CNKSR3: variants seen among roughly 807,000 people sequenced by gnomAD.
CNKSR3 encodes connector enhancer of kinase suppressor of ras 3.
Under a neutral mutation model 67.7 loss-of-function variants are expected in CNKSR3, and 36 were observed. The ratio of observed to expected loss-of-function variants is 0.53; its 90% CI spans 0.41 to 0.70. CNKSR3 has a LOEUF of 0.70. Ranked by LOEUF, CNKSR3 falls within the 30% of genes least tolerant of loss-of-function variation. The pLI is 0.00. For missense variants in CNKSR3, 630 were observed against 695.2 expected (o/e 0.91, Z 1.05); for synonymous variants, 281 against 271.4 (o/e 1.04, Z -0.35).
intron 1 of CNKSR3, among the ~76,000 whole-genome samples, chr6:154,471,147 T>C (rs77762860): frequency 6.6e-6 from 1 of 152,250 alleles, no homozygotes. Context: ...ACTACCCTCA[T>C]GATTTTACCA....
At chr6:154,437,407 G>GTTT (rs1785492881) in intron 4 of CNKSR3, among the ~76,000 whole-genome samples, 7 of 88,266 alleles carry the variant, frequency 7.9e-5, no homozygotes, top group African/African-American at 2.0e-4. Flanking sequence ...AAGCACCTAT[G>GTTT]TTCTTTTTTT....
chr6:154,468,096 A>T (rs1208766679), intron 1 of CNKSR3, among the ~76,000 whole-genome samples: 7 of 38,344 alleles, frequency 1.8e-4, no homozygotes, highest in Admixed American at 7.8e-4. Flanking sequence ...TTTTTTTTTG[A>T]GACAGGGTCT....
intron 2 of CNKSR3, among the ~76,000 whole-genome samples, chr6:154,448,897 C>T (rs374892170): frequency 3.3e-5 from 5 of 152,172 alleles, no homozygotes; most frequent in Non-Finnish European, 7.3e-5. Context: ...ATTGTATATA[C>T]CCCTGGCTGG....
intron 7 of CNKSR3, among the ~76,000 whole-genome samples, chr6:154,426,785 T>C (rs1275347150): frequency 6.6e-6 from 1 of 152,218 alleles, no homozygotes; most frequent in Non-Finnish European, 1.5e-5. Context: ...GAAAACACAC[T>C]GGTCTGGTTA....
At chr6:154,463,466 G>A (rs7742597) in intron 1 of CNKSR3, among the ~76,000 whole-genome samples, 79,531 of 152,054 alleles carry the variant, frequency 0.52, 23,004 homozygotes, top group African/African-American at 0.79. Context: ...TGAGAAAAAG[G>A]AGATCCCAAT....
At chr6:154,488,660 A>G (rs1359483485) in intron 1 of CNKSR3, among the ~76,000 whole-genome samples, 1 of 152,234 alleles carries the variant, frequency 6.6e-6, no homozygotes, top group Non-Finnish European at 1.5e-5. Context: ...GATACCAAAA[A>G]AAGTTACAAA....
At chr6:154,481,759 G>T (rs111272045) in intron 1 of CNKSR3, among the ~76,000 whole-genome samples, 2 of 152,168 alleles carry the variant, frequency 1.3e-5, no homozygotes, top group African/African-American at 4.8e-5. Flanking sequence ...ACATTATCAG[G>T]CCAAGAAGGC....
In CNKSR3 at chr6:154,397,782, C is replaced by G. The variant is rs1462353086; in HGVS notation, c.*8572G>C. 1 of 151,590 alleles carries G rather than the reference C, an allele frequency of 6.6e-6. No homozygotes were observed. The highest frequency in any genetic ancestry group is 1.5e-5 in the Non-Finnish European group (1 of 68,062). 9.4% of individuals were successfully genotyped at this position (151,590 alleles called of 1,614,324 possible). A position where few individuals can be genotyped will look rare whatever the true frequency, so the allele number is the denominator to read the frequency against. ...GGGTGTGTGAGATGCACAGGGCAGA[C>G]AGTACAGCCTGCAACTGTGATGGAA... On this transcript the variant is annotated 3_prime_UTR_variant, in exon 13 of 13. Transcript: ENST00000607772.
At chr6:154,409,385 A>C (rs926624532) in intron 12 of CNKSR3, among the ~76,000 whole-genome samples, 2 of 152,252 alleles carry the variant, frequency 1.3e-5, no homozygotes, top group African/African-American at 4.8e-5. Context: ...CATTTCACTC[A>C]AGACCAGCAT....
At chr6:154,409,212 T>A (rs1784860395) in intron 12 of CNKSR3, among the ~76,000 whole-genome samples, 1 of 152,142 alleles carries the variant, frequency 6.6e-6, no homozygotes, top group Non-Finnish European at 1.5e-5. Context: ...TTTGGAAGGT[T>A]AGGCTTCCAG....
At chr6:154,420,688 C>CAAA (rs1166654953) in intron 9 of CNKSR3, among the ~76,000 whole-genome samples, 4 of 79,386 alleles carry the variant, frequency 5.0e-5, no homozygotes, top group Admixed American at 1.5e-4. Flanking sequence ...GACTCCGTCT[C>CAAA]AAAAAAAAAA....
intron 1 of CNKSR3, among the ~76,000 whole-genome samples, chr6:154,475,375 T>C (rs1285386109): frequency 1.3e-5 from 2 of 152,090 alleles, no homozygotes; most frequent in African/African-American, 2.4e-5. Flanking sequence ...CTGTGCTCAT[T>C]AGGCAGGACC....
Position 154,430,499 on chromosome 6 carries a change from T to C in CNKSR3, c.642A>G (p.Leu214=). The stretch of plus-strand genomic sequence containing the variant: ...GGCCTTCCCCAGGTTTAATGTTTGG[T>C]AAGTGAACTTCCTCCAGACATGCAC... ...SQCACLEEVH[L]PNIKPGEGLG... The change falls in exon 6 of 13, where the codon TTA becomes TTG. Residue 214 remains leucine (L), a synonymous_variant. Transcript: ENST00000607772. 1 of 1,612,260 alleles carries C rather than the reference T, an allele frequency of 6.2e-7. No individual in the cohort carries two copies. Among genetic ancestry groups the C allele is most frequent in the Non-Finnish European group, 8.5e-7 (1 of 1,179,400 alleles).
At chr6:154,454,968 C>A (rs1318626961) in intron 1 of CNKSR3, among the ~76,000 whole-genome samples, 1 of 152,042 alleles carries the variant, frequency 6.6e-6, no homozygotes, top group Non-Finnish European at 1.5e-5. Flanking sequence ...TCATTGGTTT[C>A]ACCTAAAAAA....
chr6:154,421,493 G>C (rs1172512441), intron 9 of CNKSR3, among the ~76,000 whole-genome samples: 1 of 152,122 alleles, frequency 6.6e-6, no homozygotes, highest in Non-Finnish European at 1.5e-5. Context: ...GGCATTATAA[G>C]GTTATTGCTT....
rs1379828826 is a variant in CNKSR3 at position 154,396,952 on chromosome 6, A to T, written c.*9402T>A. On this transcript the variant is annotated 3_prime_UTR_variant, in exon 13 of 13. Coordinates refer to ENST00000607772, the MANE Select transcript of CNKSR3 (RefSeq NM_173515.4). ...GTAGCTGGGACTACAGGCGCCCGCC[A>T]CCACGCCCGGCTAATTTTTTTTTTT... 6.9e-6 allele frequency: 1 copy of T among 144,052 alleles called. No homozygotes were observed. Among genetic ancestry groups the T allele is most frequent in the Non-Finnish European group, 1.5e-5 (1 of 66,704 alleles). 8.9% of individuals were successfully genotyped at this position (144,052 alleles called of 1,614,324 possible). A position where few individuals can be genotyped will look rare whatever the true frequency, so the allele number is the denominator to read the frequency against.
At chr6:154,422,457 T>G in intron 9 of CNKSR3, 49 bp downstream of exon 9, 656 of 1,537,666 alleles carry the variant, frequency 4.3e-4, no homozygotes, top group Non-Finnish European at 5.3e-4. Flanking sequence ...TGGAGACTAA[T>G]GAGATACTCA....
At chr6:154,467,580 T>C (rs1786230855) in intron 1 of CNKSR3, among the ~76,000 whole-genome samples, 1 of 152,214 alleles carries the variant, frequency 6.6e-6, no homozygotes, top group Non-Finnish European at 1.5e-5. Context: ...CTCCTTGAAG[T>C]GATTTTGCAC....
At chr6:154,406,702 G>A (rs1784800628) in intron 12 of CNKSR3, 50 bp from the exon 13 acceptor site, 8 of 1,510,902 alleles carry the variant, frequency 5.3e-6, no homozygotes, top group Non-Finnish European at 7.2e-6. Context: ...GGGCGTGGTG[G>A]CTCACACCTG....
Sources: allele counts gnomAD v4.1 joint callset (sites outside exome capture counted in the v4.1 genomes callset), GRCh38; gene constraint gnomAD v4.1.1; transcripts MANE v1.5; gene names NCBI Gene and HGNC (gene_info 2026-07-23, HGNC 2026-07-21).